Variants in DOCK1 observed in about 807,000 individuals in gnomAD.
The protein encoded by DOCK1 is dedicator of cytokinesis protein 1.
A neutral mutation model predicts 262.7 loss-of-function variants in DOCK1; 138 were observed. The ratio of observed to expected loss-of-function variants is 0.53; its 90% CI spans 0.46 to 0.61. DOCK1 has a LOEUF of 0.61. Ranked by LOEUF, DOCK1 falls within the 20% of genes least tolerant of loss-of-function variation. The pLI is 0.00. For synonymous variants in DOCK1, 866 were observed against 867.4 expected, an observed-to-expected ratio of 1.00 and a Z score of 0.03; for missense variants, 1,908 against 2,370.7, an observed-to-expected ratio of 0.80 and a Z score of 4.05.
chr10:127,081,760 T>C (rs926693388), intron 23 of DOCK1, among the ~76,000 whole-genome samples: 2 of 152,182 alleles, frequency 1.3e-5, no homozygotes, highest in African/African-American at 4.8e-5. Context: ...TCGTGGCCCT[T>C]ACGAGTTCTT....
intron 23 of DOCK1, among the ~76,000 whole-genome samples, chr10:127,072,803 A>G (rs2046307820): frequency 1.3e-5 from 2 of 152,152 alleles, no homozygotes; most frequent in South Asian, 2.1e-4. Flanking sequence ...ATAATGAGAA[A>G]GCTTTCTAAA....
chr10:127,012,280 C>G lies in DOCK1; in HGVS notation c.1107C>G (p.Ser369=). ...GACACAAGCCGCTGAACATGTCATC[C>G]CGTTTTTCACCCAGGGTGGCAGGGG... ...AIRHKPLNMS[S]RFSPRVAGEN... Residue 369 remains serine (S), a synonymous_variant, in exon 12 of 52, where the codon TCC becomes TCG. Coordinates refer to ENST00000623213, the MANE Select transcript of DOCK1 (RefSeq NM_001290223.2). The surrounding 1 kb of genome is among the most constrained non-coding windows in gnomAD (Gnocchi z 4.0). 1 of 1,613,890 alleles carries G rather than the reference C, an allele frequency of 6.2e-7. No individual in the cohort carries two copies. The highest frequency in any genetic ancestry group is 1.3e-5 in the African/African-American group (1 of 75,046).
At chr10:126,933,489 T>A (rs1453326238) in intron 1 of DOCK1, among the ~76,000 whole-genome samples, 6 of 152,116 alleles carry the variant, frequency 3.9e-5, no homozygotes, top group Non-Finnish European at 8.8e-5. Flanking sequence ...AAGGATTCTG[T>A]AGAGCTCCCT....
At chr10:127,434,655 T>TC (rs2069542510) in intron 48 of DOCK1, among the ~76,000 whole-genome samples, 1 of 151,346 alleles carries the variant, frequency 6.6e-6, no homozygotes, top group East Asian at 1.9e-4. Flanking sequence ...ATGTCTACTT[T>TC]CTTTTTTTTT....
At chr10:126,960,564 A>G (rs2037114870) in intron 1 of DOCK1, among the ~76,000 whole-genome samples, 1 of 151,224 alleles carries the variant, frequency 6.6e-6, no homozygotes, top group Non-Finnish European at 1.5e-5. Context: ...GGGGAGAGGT[A>G]GGGCTGTGGA....
chr10:127,339,733 G>GTGTGCA (rs71032552), intron 30 of DOCK1, among the ~76,000 whole-genome samples: 3,384 of 108,940 alleles, frequency 0.031, 106 homozygotes, highest in Admixed American at 0.08. Context: ...GTGTGTGTGT[G>GTGTGCA]TGCATGCTGT....
At chr10:127,063,761 T>C (rs189250637) in intron 23 of DOCK1, among the ~76,000 whole-genome samples, 17 of 152,314 alleles carry the variant, frequency 1.1e-4, no homozygotes, top group Middle Eastern at 6.8e-3. Context: ...TTAAATTTGA[T>C]TGGGCTTGAT....
rs573632234 is a variant in DOCK1 at position 127,302,203 on chromosome 10, C to G, written c.3045-36803C>G. 6.2e-4 allele frequency among the ~76,000 whole-genome samples: 94 copies of G among 152,184 alleles called. 1 individual carries two copies. The highest frequency in any genetic ancestry group is 6.8e-3 in the Middle Eastern group (2 of 294). On this transcript the variant is annotated intron_variant, in intron 29 of 51. Transcript: ENST00000623213. ...CAGGTTTGGCCTGGCTTGGCCAACC[C>G]GAGCTTGCCATGTACCTGAGTCCCA...
intron 49 of DOCK1, among the ~76,000 whole-genome samples, chr10:127,441,118 G>C (rs2070094596): frequency 6.6e-6 from 1 of 152,332 alleles, no homozygotes; most frequent in African/African-American, 2.4e-5. Context: ...AAATTGGAGG[G>C]CCTCGGAGCA....
chr10:126,911,723 C>CTG (rs1564977633), intron 1 of DOCK1, among the ~76,000 whole-genome samples: 1 of 152,132 alleles, frequency 6.6e-6, no homozygotes, highest in Non-Finnish European at 1.5e-5. Flanking sequence ...CTGGATGGTA[C>CTG]TGTGGGCTTT....
chr10:127,451,390 G>T lies in DOCK1; in HGVS notation c.5624G>T (p.Arg1875Leu), dbSNP rs373416529. Residue 1875 changes from arginine (R) to leucine (L), a missense_variant, in exon 52 of 52, where the codon CGC becomes CTC. Transcript: ENST00000623213. The part of the protein sequence containing the change: ...TPPPPPPKTT[R>L]KQASVDSGIV... Reference sequence around the variant, plus strand: ...CCTCCTCCCCCTCCAAAGACAACTCGCAAGCAGGCATCGGTGGACTCCGGG... The same window carrying T: ...CCTCCTCCCCCTCCAAAGACAACTCTCAAGCAGGCATCGGTGGACTCCGGG... 4.9e-5 allele frequency: 79 copies of T among 1,598,552 alleles called. No individual in the cohort carries two copies. Among genetic ancestry groups the T allele is most frequent in the Non-Finnish European group, 6.7e-5 (78 of 1,172,754 alleles).
chr10:127,146,575 T>C (rs541869065), intron 27 of DOCK1, among the ~76,000 whole-genome samples: 1 of 150,318 alleles, frequency 6.7e-6, no homozygotes, highest in East Asian at 1.9e-4. Flanking sequence ...ACATTGTGTA[T>C]GTAAGGTGTT....
At chr10:127,020,751 C>T (rs540035623) in intron 13 of DOCK1, among the ~76,000 whole-genome samples, 19 of 152,024 alleles carry the variant, frequency 1.2e-4, no homozygotes, top group Non-Finnish European at 2.2e-4. Context: ...AATCACTGGC[C>T]GCGCTGTGGG....
chr10:126,948,657 C>G (rs1158900846), intron 1 of DOCK1, among the ~76,000 whole-genome samples: 3 of 152,078 alleles, frequency 2.0e-5, no homozygotes, highest in South Asian at 2.1e-4. Flanking sequence ...GTCAGGTATG[C>G]TGAGCCAGAG....
chr10:126,997,748 G>A, intron 7 of DOCK1: 1 of 263,348 alleles, frequency 3.8e-6, no homozygotes, highest in Non-Finnish European at 7.5e-6. Context: ...AAGACATAAT[G>A]ATACATGAGA....
intron 33 of DOCK1, among the ~76,000 whole-genome samples, chr10:127,369,824 C>T (rs2065114186): frequency 6.6e-6 from 1 of 152,166 alleles, no homozygotes; most frequent in South Asian, 2.1e-4. Context: ...AATTAAGTTT[C>T]CAGAGCAGTT....
chr10:126,924,724 C>G (rs2033544419), intron 1 of DOCK1, among the ~76,000 whole-genome samples: 1 of 152,168 alleles, frequency 6.6e-6, no homozygotes, highest in African/African-American at 2.4e-5. Flanking sequence ...CAGGTGTGGT[C>G]AAGGGCTCTA....
At chr10:126,993,639 G>T (rs1208172272) in intron 6 of DOCK1, among the ~76,000 whole-genome samples, 2 of 152,222 alleles carry the variant, frequency 1.3e-5, no homozygotes, top group East Asian at 3.8e-4. Flanking sequence ...GAGGCACCCT[G>T]CTTACATTGC....
intron 1 of DOCK1, among the ~76,000 whole-genome samples, chr10:126,907,816 T>A (rs111890396): frequency 0.013 from 1,942 of 152,262 alleles, 41 homozygotes; most frequent in African/African-American, 0.044. Flanking sequence ...GGTGGTGACT[T>A]CTAACATCAC....
Sources: allele counts gnomAD v4.1 joint callset (sites outside exome capture counted in the v4.1 genomes callset), GRCh38; gene constraint gnomAD v4.1.1; non-coding constraint Gnocchi (gnomAD v3.1); transcripts MANE v1.5; gene names NCBI Gene and HGNC (gene_info 2026-07-23, HGNC 2026-07-21).